VPS53: variants seen among roughly 807,000 people sequenced by gnomAD.
The protein encoded by VPS53 is vacuolar protein sorting-associated protein 53 homolog.
VPS53 carries 70 observed loss-of-function variants against 107.0 expected under a neutral mutation model. The ratio of observed to expected loss-of-function variants is 0.65; its 90% CI spans 0.54 to 0.80. The LOEUF is 0.80. VPS53 is among the 30% of genes least tolerant of loss of function. The probability of loss-of-function intolerance (pLI) is 0.00; values close to 1 mark genes in which losing one functional copy is unlikely to be tolerated. For missense variants in VPS53, 917 were observed against 1,049.4 expected, an observed-to-expected ratio of 0.87 and a Z score of 1.74; for synonymous variants, 409 against 393.3, an observed-to-expected ratio of 1.04 and a Z score of -0.47.
chr17:712,690 C>T (rs1422176365), intron 1 of VPS53, among the ~76,000 whole-genome samples: 1 of 152,138 alleles, frequency 6.6e-6, no homozygotes, highest in Non-Finnish European at 1.5e-5. Flanking sequence ...GTCTGCTATA[C>T]TATCACTCAA....
At chr17:529,782 G>A (rs1398141021) in intron 19 of VPS53, among the ~76,000 whole-genome samples, 7 of 151,644 alleles carry the variant, frequency 4.6e-5, no homozygotes, top group African/African-American at 1.5e-4. Context: ...CATGGCTCAC[G>A]CCTGTAATCG....
intron 15 of VPS53, among the ~76,000 whole-genome samples, chr17:559,493 T>C (rs894208915): frequency 2.6e-5 from 4 of 152,220 alleles, no homozygotes; most frequent in African/African-American, 7.2e-5. Context: ...GGCCAAACCC[T>C]GGAAGGTCAT....
chr17:510,418 G>C lies in VPS53; in HGVS notation c.*8710C>G. On this transcript the variant is annotated 3_prime_UTR_variant, in exon 22 of 22. Transcript: ENST00000437048. ...CCTGGCTTGTCCCCTTGCTAGTCAC[G>C]TATCAAATCCTGGCCGACCCCTTAC... 4.5e-6 allele frequency: 1 copy of C among 222,618 alleles called. No individual in the cohort carries two copies. The highest frequency in any genetic ancestry group is 9.2e-6 in the Non-Finnish European group (1 of 109,004). The allele number at this position is 222,618 out of a possible 1,614,324, so 13.8% of individuals were successfully genotyped here.
intron 2 of VPS53, among the ~76,000 whole-genome samples, chr17:707,940 A>T (rs1340046326): frequency 6.6e-6 from 1 of 151,892 alleles, no homozygotes; most frequent in Non-Finnish European, 1.5e-5. Context: ...GAGGACAGAG[A>T]TCCTCCAGGA....
At chr17:699,287 A>C in intron 3 of VPS53, 44 bp downstream of exon 3, 1 of 1,457,714 alleles carries the variant, frequency 6.9e-7, no homozygotes, top group Non-Finnish European at 9.1e-7. Flanking sequence ...TAAATTAACA[A>C]TATACTTTTC....
At chr17:547,758 C>T (rs928432212) in intron 17 of VPS53, among the ~76,000 whole-genome samples, 1 of 152,142 alleles carries the variant, frequency 6.6e-6, no homozygotes, top group African/African-American at 2.4e-5. Flanking sequence ...CTACCTCAGC[C>T]TCCTGAGTAG....
At chr17:604,119 A>T (rs938147580) in intron 11 of VPS53, among the ~76,000 whole-genome samples, 5 of 152,244 alleles carry the variant, frequency 3.3e-5, no homozygotes, top group Admixed American at 6.5e-5. Context: ...TATTGGGTTG[A>T]TAACAGCACC....
chr17:628,159 G>C lies in VPS53; in HGVS notation c.760C>G (p.Gln254Glu). 1 of 1,613,850 alleles carries C rather than the reference G, an allele frequency of 6.2e-7. No homozygotes were observed. ...VANILDPRIK[Q>E]EIIKKFIKQH... ...TTAATAAACTTTTTGATGATTTCCT[G>C]TTTGATCCTGGGATCTAGAATATTA... The change falls in exon 9 of 22, where the codon CAG (glutamine) becomes GAG (glutamate). Residue 254 changes from glutamine to glutamate, a missense_variant. Physicochemically the swap from Gln to Glu is conservative, Grantham distance 29. Transcript: ENST00000437048.
In VPS53 at chr17:562,597, G is replaced by C; in HGVS notation, c.1462C>G (p.Leu488Val). The C allele has an allele frequency of 6.2e-7, 1 of 1,614,016 alleles. No homozygotes were observed. Among genetic ancestry groups the C allele is most frequent in the Non-Finnish European group, 8.5e-7 (1 of 1,179,992 alleles). Residue 488 changes from leucine to valine, a missense_variant, in exon 14 of 22, where the codon CTC (leucine) becomes GTC (valine). Coordinates refer to ENST00000437048, the MANE Select transcript of VPS53 (RefSeq NM_001128159.3). ...GCGATCATGGGCTCCCCAGTACTGA[G>C]CTGAGAGCATTGCACCATGCACTTC... is the stretch of plus-strand genomic sequence containing the variant. ...YKKCMVQCSQ[L>V]STGEPMIALT...
chr17:518,981 T>C lies in VPS53; in HGVS notation c.*147A>G, dbSNP rs1908512948. 2.3e-6 allele frequency: 2 copies of C among 864,484 alleles called. No homozygotes were observed. Among genetic ancestry groups the C allele is most frequent in the Admixed American group, 3.3e-5 (1 of 30,326 alleles). 53.6% of individuals were successfully genotyped at this position (864,484 alleles called of 1,614,324 possible). ...TTAGGGCAGGAAGTAAGACAGGGCA[T>C]GGGAGAGACTCAGTAACAACCCACA... On this transcript the variant is annotated 3_prime_UTR_variant, in exon 22 of 22. Transcript: ENST00000437048.
At chr17:522,466 T>TTTAA (rs1908830970) in intron 19 of VPS53, among the ~76,000 whole-genome samples, 2 of 152,240 alleles carry the variant, frequency 1.3e-5, no homozygotes, top group South Asian at 4.1e-4. Context: ...AGAATCGTGA[T>TTTAA]TTAATGGCTG....
intron 19 of VPS53, among the ~76,000 whole-genome samples, chr17:528,593 TTC>T (rs577986991): frequency 1.0e-4 from 12 of 116,168 alleles, no homozygotes; most frequent in Non-Finnish European, 1.6e-4. Context: ...TTTTTTTCAA[TTC>T]TTTTTTTTTT....
chr17:606,320 G>C (rs945509009), intron 11 of VPS53, among the ~76,000 whole-genome samples: 2 of 152,112 alleles, frequency 1.3e-5, no homozygotes, highest in Non-Finnish European at 2.9e-5. Context: ...TGACAGACCC[G>C]GGTTCGAGTC....
chr17:656,775 A>G, intron 5 of VPS53: 1 of 1,089,566 alleles, frequency 9.2e-7, no homozygotes, highest in East Asian at 2.4e-5. Flanking sequence ...AAGATCTAAC[A>G]TGTCACCCAC....
chr17:671,902 C>T (rs1207075446), intron 4 of VPS53, among the ~76,000 whole-genome samples: 1 of 151,860 alleles, frequency 6.6e-6, no homozygotes, highest in Non-Finnish European at 1.5e-5. Flanking sequence ...TTGGCCAGGA[C>T]GGTCTCCATC....
intron 11 of VPS53, among the ~76,000 whole-genome samples, chr17:623,241 T>C (rs539911050): frequency 6.6e-5 from 10 of 152,294 alleles, no homozygotes; most frequent in African/African-American, 2.4e-4. Flanking sequence ...AATAAGGTAT[T>C]TGTGACTGAG....
In VPS53 at chr17:601,863, G is replaced by T. The variant is rs376640013; in HGVS notation, c.1150C>A (p.Pro384Thr). Residue 384 changes from proline (P) to threonine (T), a missense_variant, in exon 12 of 22, where the codon CCC (proline) becomes ACC (threonine). Coordinates refer to ENST00000437048, the MANE Select transcript of VPS53 (RefSeq NM_001128159.3). ...GGTGTTGGCTCATCTTCCAGGAAGG[G>T]ATTGGTAGATGGGGGTGGAGACTCA... ...KLESPPPSTN[P>T]FLEDEPTPEM... 22 of 1,599,326 alleles carry T rather than the reference G, an allele frequency of 1.4e-5. No homozygotes were observed. The highest frequency in any genetic ancestry group is 1.9e-5 in the Non-Finnish European group (22 of 1,172,080).
intron 17 of VPS53, chr17:539,167 G>A (rs575200657): frequency 1.3e-5 from 2 of 152,154 alleles, no homozygotes; most frequent in Non-Finnish European, 2.9e-5. Flanking sequence ...ATCTCAAAAC[G>A]GTTTATCAAC....
rs1328166375 is a variant in VPS53, at chr17:518,601, G to A, written c.*527C>T. 1 of 151,318 alleles carries A rather than the reference G, an allele frequency of 6.6e-6. No individual in the cohort carries two copies. The highest frequency in any genetic ancestry group is 1.5e-5 in the Non-Finnish European group (1 of 67,826). The allele number at this position is 151,318 out of a possible 1,614,324, so 9.4% of individuals were successfully genotyped here. A position where few individuals can be genotyped will look rare whatever the true frequency, so the allele number is the denominator to read the frequency against. On this transcript the variant is annotated 3_prime_UTR_variant, in exon 22 of 22. Coordinates refer to ENST00000437048, the MANE Select transcript of VPS53 (RefSeq NM_001128159.3). ...TCCCTAGAAACCAGGAGCAGGGTGGGAGTAAAGAAATGGAGGAAGGGGCTG... is the reference window on the plus strand; with the variant it reads ...TCCCTAGAAACCAGGAGCAGGGTGGAAGTAAAGAAATGGAGGAAGGGGCTG...
Sources: gnomAD v4.1 joint callset for allele counts (sites outside exome capture counted in the v4.1 genomes callset) on GRCh38, gnomAD v4.1.1 for gene constraint, MANE v1.5 for transcripts, NCBI Gene and HGNC (gene_info 2026-07-23, HGNC 2026-07-21) for gene names.